The following KIF5C variants were observed in gnomAD, a reference collection of about 807,000 sequenced individuals.
KIF5C encodes the protein kinesin heavy chain isoform 5C.
A neutral mutation model predicts 125.2 loss-of-function variants in KIF5C; 18 were observed. The observed-to-expected ratio is 0.14, with a 90% CI of 0.10 to 0.21. The LOEUF (loss-of-function observed/expected upper bound fraction) is 0.21. Ranked by LOEUF, KIF5C falls within the 10% of genes least tolerant of loss-of-function variation. The probability of loss-of-function intolerance (pLI) is 1.00; values close to 1 mark genes in which losing one functional copy is unlikely to be tolerated. For synonymous variants in KIF5C, 405 were observed against 434.0 expected, an observed-to-expected ratio of 0.93 and a Z score of 0.83; for missense variants, 780 against 1,183.8, an observed-to-expected ratio of 0.66 and a Z score of 5.01.
intron 1 of KIF5C, among the ~76,000 whole-genome samples, chr2:148,885,367 G>C (rs967624256): frequency 6.6e-6 from 1 of 152,202 alleles, no homozygotes; most frequent in African/African-American, 2.4e-5. Flanking sequence ...AGAGCTTCCT[G>C]CTCTGTGGCC....
intron 25 of KIF5C, among the ~76,000 whole-genome samples, chr2:149,015,515 T>C (rs1374436769): frequency 6.6e-6 from 1 of 152,202 alleles, no homozygotes; most frequent in Non-Finnish European, 1.5e-5. Flanking sequence ...CAGCTGGATA[T>C]CTTTGGAATT....
At chr2:148,893,935 C>T (rs773210963) in intron 1 of KIF5C, among the ~76,000 whole-genome samples, 6 of 152,182 alleles carry the variant, frequency 3.9e-5, no homozygotes, top group Non-Finnish European at 7.3e-5. Context: ...CTTAGGGGAG[C>T]ACAATTCATT....
chr2:149,023,581 A>G lies in KIF5C; in HGVS notation c.*511A>G, dbSNP rs1172348052. ...TCTGAACACTTTTCCGAAACAAATT[A>G]CCCCAAAGACACATTTTGAATATCC... On this transcript the variant is annotated 3_prime_UTR_variant, in exon 26 of 26. Transcript: ENST00000435030. 6.6e-6 allele frequency: 1 copy of G among 152,574 alleles called. No individual in the cohort carries two copies. The highest frequency in any genetic ancestry group is 2.4e-5 in the African/African-American group (1 of 41,430). The allele number at this position is 152,574 out of a possible 1,614,324, so 9.5% of individuals were successfully genotyped here.
intron 1 of KIF5C, among the ~76,000 whole-genome samples, chr2:148,900,372 T>C (rs1369306886): frequency 6.6e-6 from 1 of 152,196 alleles, no homozygotes; most frequent in African/African-American, 2.4e-5. Flanking sequence ...CTATCTGTGA[T>C]GGTTTTATGC....
Position 148,960,196 on chromosome 2 carries a change from C to T in KIF5C, c.969-1775C>T, listed in dbSNP as rs535975033. On this transcript the variant is annotated intron_variant, in intron 10 of 25. Coordinates refer to ENST00000435030, the MANE Select transcript of KIF5C (RefSeq NM_004522.3). ...GTGATAACCTTGCTGAGTCTGCTCA[C>T]AAAATATGCCTCTGGCTAAACCTGC... Among the ~76,000 whole-genome samples the T allele has an allele frequency of 2.0e-5, 3 of 152,328 alleles. No individual in the cohort carries two copies. In the South Asian group the frequency reaches 6.2e-4, roughly 32 times the overall value.
chr2:149,002,014 T>G (rs1371070496), intron 21 of KIF5C, among the ~76,000 whole-genome samples: 1 of 152,202 alleles, frequency 6.6e-6, no homozygotes, highest in Non-Finnish European at 1.5e-5. Context: ...GATGCCTGTG[T>G]CCAAAGGGAG....
At chr2:149,022,970 C>A (rs1682579844) in intron 25 of KIF5C, 108 bp from the exon 26 acceptor site, 1 of 152,154 alleles carries the variant, frequency 6.6e-6, no homozygotes, top group Admixed American at 6.6e-5. Context: ...ATATTTGTAT[C>A]TGACAGCTCT....
chr2:149,013,055 G>A (rs775732882), intron 25 of KIF5C, among the ~76,000 whole-genome samples: 5 of 152,204 alleles, frequency 3.3e-5, no homozygotes, highest in Non-Finnish European at 7.3e-5. Flanking sequence ...AAGGGCCTGG[G>A]CTTTGTTTGT....
chr2:148,986,301 G>T (rs1056139561), intron 15 of KIF5C, among the ~76,000 whole-genome samples: 1 of 152,058 alleles, frequency 6.6e-6, no homozygotes, highest in African/African-American at 2.4e-5. Flanking sequence ...ATTATTTTTG[G>T]ATTCCAGACA....
At chr2:148,974,838 C>T (rs1285623319) in intron 12 of KIF5C, among the ~76,000 whole-genome samples, 12 of 152,200 alleles carry the variant, frequency 7.9e-5, no homozygotes, top group Admixed American at 7.9e-4. Context: ...GAAGCTGTTT[C>T]TGTGCTCAGT....
At chr2:148,935,842 A>G (rs761867929) in intron 3 of KIF5C, among the ~76,000 whole-genome samples, 7 of 152,346 alleles carry the variant, frequency 4.6e-5, no homozygotes, top group Non-Finnish European at 8.8e-5. Flanking sequence ...CTTGTAAGCA[A>G]TGGAGAGAAA....
At chr2:148,990,923 T>C in intron 15 of KIF5C, 87 bp from the exon 16 acceptor site, 1 of 1,486,756 alleles carries the variant, frequency 6.7e-7, no homozygotes, top group South Asian at 1.4e-5. Flanking sequence ...CATGGACACC[T>C]TGGGGATCCA....
At chr2:148,880,921 C>A (rs1243344643) in intron 1 of KIF5C, among the ~76,000 whole-genome samples, 4 of 149,012 alleles carry the variant, frequency 2.7e-5, no homozygotes, top group Non-Finnish European at 5.9e-5. Context: ...GAGACAAAAC[C>A]GAGTGTAGAT....
chr2:149,001,027 T>C (rs1375430823), intron 21 of KIF5C, among the ~76,000 whole-genome samples: 1 of 152,214 alleles, frequency 6.6e-6, no homozygotes, highest in Non-Finnish European at 1.5e-5. Flanking sequence ...GAATTGCAAC[T>C]TAGCAATTTT....
At chr2:148,905,132 C>CTTACAACAGTAATATAAAAGTTTTATA (rs1381201505) in intron 1 of KIF5C, among the ~76,000 whole-genome samples, 2 of 151,980 alleles carry the variant, frequency 1.3e-5, no homozygotes, top group Non-Finnish European at 2.9e-5. Context: ...TGATTTTTCA[C>CTTACAACAGTAATATAAAAGTTTTATA]TTACAACAGT....
At position 148,990,695 on chromosome 2, in the gene KIF5C, C is replaced by G. The variant is rs187269571; in HGVS notation, c.1717-315C>G. Among the ~76,000 whole-genome samples, 155 of 152,242 alleles carry G rather than the reference C, an allele frequency of 1.0e-3. 2 individuals are homozygous for G. The highest frequency in any genetic ancestry group is 3.3e-3 in the African/African-American group (139 of 41,516). On this transcript the variant is annotated intron_variant, in intron 15 of 25. Coordinates refer to ENST00000435030, the MANE Select transcript of KIF5C (RefSeq NM_004522.3). ...AAGGTGTAAGACATTGAATGGAATA[C>G]CTTTTTGAAGTTATCTCCTTTTAAA...
At chr2:148,933,841 A>G (rs1452328833) in intron 3 of KIF5C, among the ~76,000 whole-genome samples, 1 of 151,778 alleles carries the variant, frequency 6.6e-6, no homozygotes, top group Non-Finnish European at 1.5e-5. Flanking sequence ...ACACATGTAC[A>G]CACACAGACA....
chr2:148,981,450 A>G lies in KIF5C; in HGVS notation c.1458A>G (p.Glu486=), dbSNP rs750986771. Residue 486 remains glutamate, a synonymous_variant, in exon 14 of 26, where the codon GAA becomes GAG. Coordinates refer to ENST00000435030, the MANE Select transcript of KIF5C (RefSeq NM_004522.3). The part of the protein sequence containing the change: ...ENEAAKDEVK[E]VLQALEELAV... ...AGGCAGCCAAGGATGAGGTGAAAGAAGTTCTCCAGGCCCTGGAGGAGCTGG... is the reference window on the plus strand; with the variant it reads ...AGGCAGCCAAGGATGAGGTGAAAGAGGTTCTCCAGGCCCTGGAGGAGCTGG... 1 of 1,609,690 alleles carries G rather than the reference A, an allele frequency of 6.2e-7. No individual in the cohort carries two copies. Among genetic ancestry groups the G allele is most frequent in the East Asian group, 2.2e-5 (1 of 44,746 alleles).
chr2:148,897,825 A>G (rs796340646), intron 1 of KIF5C, among the ~76,000 whole-genome samples: 2 of 144,876 alleles, frequency 1.4e-5, no homozygotes, highest in African/African-American at 5.1e-5. Context: ...AGGCTGAGGC[A>G]TGAGAATCAC....
Sources: gnomAD v4.1 joint callset for allele counts (sites outside exome capture counted in the v4.1 genomes callset) on GRCh38, gnomAD v4.1.1 for gene constraint, MANE v1.5 for transcripts, NCBI Gene and HGNC (gene_info 2026-07-23, HGNC 2026-07-21) for gene names.